CSMD1: variants seen among roughly 807,000 people sequenced by gnomAD.
CSMD1 encodes the protein CUB and Sushi multiple domains 1, also known as CUB and sushi domain-containing protein 1.
In CSMD1, 213 loss-of-function variants were observed where a neutral mutation model predicts 417.5. The observed-to-expected ratio is 0.51, with a 90% confidence interval of 0.46 to 0.57. The LOEUF (loss-of-function observed/expected upper bound fraction) is 0.57. Ranked by LOEUF, CSMD1 falls within the 20% of genes least tolerant of loss-of-function variation. CSMD1 has a pLI of 0.00. For missense variants in CSMD1, 6,923 were observed against 4,529.7 expected (o/e 1.53, Z -15.17); for synonymous variants, 2,862 against 1,736.8 (o/e 1.65, Z -16.11).
intron 3 of CSMD1, among the ~76,000 whole-genome samples, chr8:4,324,991 G>A (rs751002175): frequency 2.6e-5 from 4 of 152,098 alleles, no homozygotes; most frequent in African/African-American, 7.2e-5. Context: ...ACACATCATT[G>A]CATTCCTGGT....
chr8:4,917,243 C>T (rs996045480), intron 1 of CSMD1, among the ~76,000 whole-genome samples: 8 of 152,282 alleles, frequency 5.3e-5, no homozygotes, highest in Admixed American at 1.3e-4. Context: ...TATCATGAGA[C>T]AGCAGTAGGG....
intron 46 of CSMD1, among the ~76,000 whole-genome samples, chr8:3,103,581 T>C (rs114315522): frequency 0.013 from 1,929 of 152,096 alleles, 36 homozygotes; most frequent in African/African-American, 0.044. Context: ...AATTTTCAGC[T>C]TCATTATAAT....
intron 1 of CSMD1, among the ~76,000 whole-genome samples, chr8:4,979,068 T>C (rs1050066658): frequency 2.0e-5 from 3 of 152,238 alleles, no homozygotes; most frequent in Admixed American, 2.0e-4. Context: ...TCACTTCAAA[T>C]TTCCAGGCCT....
At chr8:3,736,233 A>AT (rs960550035) in intron 6 of CSMD1, among the ~76,000 whole-genome samples, 4 of 151,950 alleles carry the variant, frequency 2.6e-5, no homozygotes, top group Admixed American at 6.6e-5. Context: ...GTGTGTGTGT[A>AT]TTTTTTTGTT....
At chr8:3,337,014 T>C (rs7844033) in intron 23 of CSMD1, among the ~76,000 whole-genome samples, 1 of 151,962 alleles carries the variant, frequency 6.6e-6, no homozygotes, top group Non-Finnish European at 1.5e-5. Context: ...CCTGAGGGTG[T>C]GTCCTGTGAA....
chr8:3,252,599 C>T (rs988156567), intron 26 of CSMD1, among the ~76,000 whole-genome samples: 4 of 152,132 alleles, frequency 2.6e-5, no homozygotes, highest in African/African-American at 7.2e-5. Flanking sequence ...GGAGGATTCC[C>T]TCTTTTTCTA....
At chr8:4,682,987 TA>T (rs1169724144) in intron 1 of CSMD1, among the ~76,000 whole-genome samples, 4 of 105,474 alleles carry the variant, frequency 3.8e-5, no homozygotes, top group African/African-American at 1.4e-4. Flanking sequence ...TATATATATA[TA>T]TATATAGTCA....
chr8:4,631,226 G>C (rs1217547826), intron 2 of CSMD1, among the ~76,000 whole-genome samples: 1 of 151,930 alleles, frequency 6.6e-6, no homozygotes, highest in Middle Eastern at 3.2e-3. Flanking sequence ...GCCAGGAGTG[G>C]TGGCATGTGC....
At chr8:2,975,490 A>T (rs1008746664) in intron 55 of CSMD1, among the ~76,000 whole-genome samples, 1 of 152,200 alleles carries the variant, frequency 6.6e-6, no homozygotes, top group African/African-American at 2.4e-5. Flanking sequence ...AAGGGTTATC[A>T]ACCAGAGAGG....
At chr8:3,240,365 G>T (rs1206046864) in intron 26 of CSMD1, among the ~76,000 whole-genome samples, 1 of 152,128 alleles carries the variant, frequency 6.6e-6, no homozygotes, top group African/African-American at 2.4e-5. Context: ...TAATGGTTTT[G>T]TTAGGATGGC....
At chr8:4,766,308 G>C (rs906966452) in intron 1 of CSMD1, among the ~76,000 whole-genome samples, 7 of 152,158 alleles carry the variant, frequency 4.6e-5, no homozygotes, top group Admixed American at 3.9e-4. Flanking sequence ...CATTCGGTGA[G>C]CCAACTATGT....
At chr8:3,750,652 T>C (rs962083844) in intron 6 of CSMD1, among the ~76,000 whole-genome samples, 3 of 152,134 alleles carry the variant, frequency 2.0e-5, no homozygotes, top group African/African-American at 4.8e-5. Context: ...GCTGAACAAA[T>C]GTTTTCCCTG....
chr8:4,321,656 A>C (rs1161144201), intron 3 of CSMD1, among the ~76,000 whole-genome samples: 1 of 152,186 alleles, frequency 6.6e-6, no homozygotes, highest in Non-Finnish European at 1.5e-5. Context: ...ATAGTGGTAA[A>C]GATAAAAGAG....
At chr8:3,848,249 C>G (rs1462183183) in intron 5 of CSMD1, among the ~76,000 whole-genome samples, 1 of 152,154 alleles carries the variant, frequency 6.6e-6, no homozygotes, top group Admixed American at 6.5e-5. Flanking sequence ...CCTGCAAATC[C>G]TCAGCTGGAC....
intron 3 of CSMD1, among the ~76,000 whole-genome samples, chr8:4,147,894 T>G (rs1377556702): frequency 1.3e-5 from 2 of 152,124 alleles, no homozygotes; most frequent in African/African-American, 4.8e-5. Context: ...TGCATGTGAT[T>G]CTTCTCAAAG....
Position 3,558,291 on chromosome 8 carries a change from A to G in CSMD1, c.1344+16654T>C, listed in dbSNP as rs556646433. 8.5e-5 allele frequency among the ~76,000 whole-genome samples: 12 copies of G among 141,384 alleles called. 1 individual carries two copies. The highest frequency in any genetic ancestry group is 4.9e-4 in the South Asian group (2 of 4,086). 92.8% of individuals were successfully genotyped at this position (141,384 alleles called of 152,430 possible). ...TCCTCCAGTGATGAATGGTGCCTCA[A>G]TGGAACTCCGTGTTCACTCCTCCAA... On this transcript the variant is annotated intron_variant, in intron 10 of 69. Coordinates refer to ENST00000635120, the MANE Select transcript of CSMD1 (RefSeq NM_033225.6).
At chr8:3,554,450 C>G (rs1410019212) in intron 10 of CSMD1, among the ~76,000 whole-genome samples, 2 of 152,148 alleles carry the variant, frequency 1.3e-5, no homozygotes, top group Admixed American at 1.3e-4. Context: ...GAGCAGAGAA[C>G]AGGGTCACAG....
chr8:4,079,118 A>C (rs1273543201), intron 3 of CSMD1, among the ~76,000 whole-genome samples: 1 of 151,844 alleles, frequency 6.6e-6, no homozygotes, highest in Non-Finnish European at 1.5e-5. Context: ...TGTTTGAGAC[A>C]ATTTTTATTC....
At chr8:3,634,620 C>T (rs1428646368) in intron 7 of CSMD1, among the ~76,000 whole-genome samples, 1 of 152,142 alleles carries the variant, frequency 6.6e-6, no homozygotes, top group Non-Finnish European at 1.5e-5. Context: ...GTGCAGCCTT[C>T]TATCAAATTA....
Sources: allele counts gnomAD v4.1 joint callset (sites outside exome capture counted in the v4.1 genomes callset), GRCh38; gene constraint gnomAD v4.1.1; transcripts MANE v1.5; gene names NCBI Gene and HGNC (gene_info 2026-07-23, HGNC 2026-07-21).